Variants in LYRM4 observed in about 807,000 individuals in gnomAD.
The protein encoded by LYRM4 is LYR motif containing 4.
Under a neutral mutation model 11.7 loss-of-function variants are expected in LYRM4, and 9 were observed. The ratio of observed to expected loss-of-function variants is 0.77; its 90% confidence interval spans 0.46 to 1.34. The LOEUF (loss-of-function observed/expected upper bound fraction) is 1.34, where lower values mean the gene tolerates loss of function less well. Ranked by LOEUF, LYRM4 falls within the 40% of genes most tolerant of loss-of-function variation. The pLI is 0.00. For missense variants in LYRM4, 133 were observed against 112.5 expected (o/e 1.18, Z -0.82); for synonymous variants, 42 against 40.4 (o/e 1.04, Z -0.15).
the LYRM4 span, chr6:5,086,785 A>C: frequency 1.8e-6 from 1 of 566,616 alleles, no homozygotes; most frequent in Non-Finnish European, 3.1e-6. Flanking sequence ...CTCTGACCTC[A>C]GTCTTCTCGT....
At chr6:5,092,433 CG>C in the LYRM4 span, among the ~76,000 whole-genome samples, 4,028 of 152,048 alleles carry the variant, frequency 0.026, 124 homozygotes, top group African/African-American at 0.073. Flanking sequence ...AAAAAATGGC[CG>C]GGTGTGGTGG....
intron 2 of LYRM4, among the ~76,000 whole-genome samples, chr6:5,145,592 T>C (rs1757676391): frequency 6.6e-6 from 1 of 152,074 alleles, no homozygotes; most frequent in African/African-American, 2.4e-5. Context: ...GGGAAAGCAA[T>C]AGGACCCCAG....
chr6:5,214,667 C>T (rs1762169625), intron 2 of LYRM4, among the ~76,000 whole-genome samples: 1 of 152,202 alleles, frequency 6.6e-6, no homozygotes, highest in South Asian at 2.1e-4. Context: ...TCCACCTTGC[C>T]ATAGGCTGTT....
intron 2 of LYRM4, chr6:5,136,046 C>T (rs1757079834): frequency 6.5e-6 from 1 of 153,136 alleles, no homozygotes; most frequent in Non-Finnish European, 1.5e-5. Context: ...ACAATGTCGT[C>T]AAGGTTCACC....
rs145084835 is a variant in LYRM4 at position 5,200,493 on chromosome 6, A to G, written c.207+16125T>C. Among the ~76,000 whole-genome samples, 669 of 152,360 alleles carry G rather than the reference A, an allele frequency of 4.4e-3. 3 individuals are homozygous for G. Among genetic ancestry groups the G allele is most frequent in the African/African-American group, 0.015 (642 of 41,576 alleles). On this transcript the variant is annotated intron_variant, in intron 2 of 2. Transcript: ENST00000330636. ...CAGTAAAATTTTCATTGTTTAATTT[A>G]AAATAAAACTTCTAAACAGAGTCTG... is the stretch of plus-strand genomic sequence containing the variant.
chr6:5,134,223 G>A (rs2127616066), intron 2 of LYRM4, among the ~76,000 whole-genome samples: 1 of 152,294 alleles, frequency 6.6e-6, no homozygotes. Context: ...GTAATGTCTG[G>A]CCAAGGCTAA....
intron 2 of LYRM4, among the ~76,000 whole-genome samples, chr6:5,207,329 C>T (rs1170218061): frequency 6.7e-6 from 1 of 148,546 alleles, no homozygotes; most frequent in African/African-American, 2.6e-5. Context: ...AGTGCACACC[C>T]TCATATACAC....
chr6:5,224,432 G>T (rs1012587529), intron 1 of LYRM4, among the ~76,000 whole-genome samples: 2 of 152,170 alleles, frequency 1.3e-5, no homozygotes, highest in Non-Finnish European at 2.9e-5. Flanking sequence ...GTGTGAGCAC[G>T]GACTGGTACT....
intron 1 of LYRM4, among the ~76,000 whole-genome samples, chr6:5,253,171 G>C (rs1050379931): frequency 1.3e-5 from 2 of 152,158 alleles, no homozygotes; most frequent in African/African-American, 4.8e-5. Context: ...TGAAGAATTA[G>C]GGAGTTCTGA....
chr6:5,216,701 C>T lies in LYRM4; in HGVS notation c.124G>A (p.Glu42Lys). 1 of 1,613,728 alleles carries T rather than the reference C, an allele frequency of 6.2e-7. No individual in the cohort carries two copies. Among genetic ancestry groups the T allele is most frequent in the Non-Finnish European group, 8.5e-7 (1 of 1,179,952 alleles). Residue 42 changes from glutamate (E) to lysine (K), a missense_variant, in exon 2 of 3, where the codon GAA (glutamate) becomes AAA (lysine). Transcript: ENST00000330636. ...ACAGGATCCTTTACATTTTTATTTTCTCTGAAGGCATCTCTTATCCTCCTG... is the reference window on the plus strand; with the variant it reads ...ACAGGATCCTTTACATTTTTATTTTTTCTGAAGGCATCTCTTATCCTCCTG... ...AVRRIRDAFR[E>K]NKNVKDPVEI...
chr6:5,167,826 C>G (rs963634180), intron 2 of LYRM4, among the ~76,000 whole-genome samples: 1 of 151,734 alleles, frequency 6.6e-6, no homozygotes, highest in Non-Finnish European at 1.5e-5. Flanking sequence ...GGGTATACAC[C>G]TTTTTTTGTT....
the LYRM4 span, among the ~76,000 whole-genome samples, chr6:5,051,000 A>G: frequency 6.6e-6 from 1 of 152,214 alleles, no homozygotes; most frequent in Non-Finnish European, 1.5e-5. Context: ...ACAAAAAGGA[A>G]CTAAAGGAGC....
the LYRM4 span, among the ~76,000 whole-genome samples, chr6:5,079,499 C>T: frequency 1.1e-4 from 16 of 152,160 alleles, no homozygotes. Context: ...GCCAAAATGG[C>T]ATATTTTGGG....
At chr6:5,102,384 G>A (rs449200), downstream of LYRM4, among the ~76,000 whole-genome samples, 66,134 of 151,868 alleles carry the variant, frequency 0.44, 16,591 homozygotes, top group East Asian at 0.8. Context: ...ACATGTGCAT[G>A]TAAATGAAAT....
chr6:5,086,050 C>A, the LYRM4 span: 2 of 1,482,252 alleles, frequency 1.3e-6, no homozygotes, highest in South Asian at 1.3e-5. Context: ...AGTGGCCGCG[C>A]CCCTTTCAGC....
chr6:5,118,983 C>T (rs1312610028), intron 2 of LYRM4, among the ~76,000 whole-genome samples: 3 of 152,178 alleles, frequency 2.0e-5, no homozygotes, highest in South Asian at 2.1e-4. Context: ...AGGGATCATC[C>T]GAACTGGAAT....
At chr6:5,044,873 C>T in the LYRM4 span, among the ~76,000 whole-genome samples, 1 of 152,228 alleles carries the variant, frequency 6.6e-6, no homozygotes, top group East Asian at 1.9e-4. Flanking sequence ...GGCTGCTACT[C>T]TACAGCCTGC....
intron 1 of LYRM4, among the ~76,000 whole-genome samples, chr6:5,223,876 A>T (rs1450476594): frequency 6.6e-6 from 1 of 152,198 alleles, no homozygotes; most frequent in Non-Finnish European, 1.5e-5. Context: ...CCTATTACAC[A>T]CTTCCCTGTT....
At chr6:5,228,187 T>C (rs747152044) in intron 1 of LYRM4, among the ~76,000 whole-genome samples, 3 of 152,134 alleles carry the variant, frequency 2.0e-5, no homozygotes, top group African/African-American at 4.8e-5. Flanking sequence ...GATCACAATG[T>C]AGTAAATATG....
Sources: gnomAD v4.1 joint callset for allele counts (sites outside exome capture counted in the v4.1 genomes callset) on GRCh38, gnomAD v4.1.1 for gene constraint, MANE v1.5 for transcripts, NCBI Gene and HGNC (gene_info 2026-07-23, HGNC 2026-07-21) for gene names.